The following TGFBR3 variants were observed in gnomAD, a reference collection of about 807,000 sequenced individuals.
TGFBR3 encodes the protein transforming growth factor beta receptor 3.
TGFBR3 carries 46 observed loss-of-function variants against 87.9 expected under a neutral mutation model. That is an observed-to-expected ratio of 0.52 (90% confidence interval 0.41 to 0.67). TGFBR3 has a LOEUF of 0.67. Among genes scored for constraint, TGFBR3 ranks in the 30% least tolerant of loss-of-function variants. The pLI is 0.00. For synonymous variants in TGFBR3, 381 were observed against 391.6 expected, an observed-to-expected ratio of 0.97 and a Z score of 0.32; for missense variants, 866 against 1,041.9, an observed-to-expected ratio of 0.83 and a Z score of 2.32.
chr1:91,724,647 A>AC (rs1672488567), intron 7 of TGFBR3, among the ~76,000 whole-genome samples: 1 of 152,244 alleles, frequency 6.6e-6, no homozygotes, highest in Non-Finnish European at 1.5e-5. Flanking sequence ...AAGGCTTGGG[A>AC]CAATGGCAGA....
intron 16 of TGFBR3, among the ~76,000 whole-genome samples, chr1:91,689,840 T>TAAAAAA (rs545760131): frequency 1.4e-4 from 14 of 99,286 alleles, no homozygotes; most frequent in Non-Finnish European, 1.6e-4. Flanking sequence ...AGAAACTGAT[T>TAAAAAA]AAAAAAAAAA....
intron 1 of TGFBR3, among the ~76,000 whole-genome samples, chr1:91,874,140 T>C (rs1433173389): frequency 1.3e-5 from 2 of 152,052 alleles, no homozygotes; most frequent in African/African-American, 4.8e-5. Flanking sequence ...TAATTATATA[T>C]TATATAGAGA....
chr1:91,795,675 A>G (rs1460002652), intron 3 of TGFBR3, among the ~76,000 whole-genome samples: 5 of 152,174 alleles, frequency 3.3e-5, no homozygotes, highest in Admixed American at 3.3e-4. Flanking sequence ...TGTCGCTGCT[A>G]AAGAATTGCT....
At chr1:91,726,109 G>A (rs1360123175) in intron 7 of TGFBR3, among the ~76,000 whole-genome samples, 1 of 152,150 alleles carries the variant, frequency 6.6e-6, no homozygotes, top group Non-Finnish European at 1.5e-5. Context: ...CTTGCACTGG[G>A]ATGAGCAATC....
chr1:91,733,765 G>A (rs1041281621), intron 5 of TGFBR3, among the ~76,000 whole-genome samples: 10 of 152,254 alleles, frequency 6.6e-5, no homozygotes, highest in South Asian at 4.2e-4. Context: ...GGCCAGGTGC[G>A]GTGGCTCATG....
intron 2 of TGFBR3, among the ~76,000 whole-genome samples, chr1:91,851,834 G>T (rs1415552251): frequency 6.6e-6 from 1 of 152,178 alleles, no homozygotes; most frequent in East Asian, 1.9e-4. Flanking sequence ...GAGAAACCTC[G>T]ATTCTCTTGA....
At chr1:91,859,616 C>T (rs1678096315) in intron 2 of TGFBR3, among the ~76,000 whole-genome samples, 1 of 152,052 alleles carries the variant, frequency 6.6e-6, no homozygotes, top group Admixed American at 6.6e-5. Flanking sequence ...ACAAAAAAGG[C>T]CTAGCAACTT....
In TGFBR3 at chr1:91,817,124, T is replaced by C. The variant is rs147181304; in HGVS notation, c.62-19653A>G. On this transcript the variant is annotated intron_variant, in intron 2 of 16. Transcript: ENST00000212355. ...ATAAGAACAATAACTTGAAACTCTG[T>C]GTTAGGCTTTGAATTCACCTCCAGC... Among the ~76,000 whole-genome samples, 428 of 152,296 alleles carry C rather than the reference T, an allele frequency of 2.8e-3. 2 individuals are homozygous for C. Among genetic ancestry groups the C allele is most frequent in the Non-Finnish European group, 3.4e-3 (233 of 68,036 alleles).
At chr1:91,736,922 G>A (rs534636521) in intron 4 of TGFBR3, among the ~76,000 whole-genome samples, 5 of 152,302 alleles carry the variant, frequency 3.3e-5, no homozygotes, top group African/African-American at 7.2e-5. Context: ...TTTTCAGAGC[G>A]GAAAGCGGGA....
At chr1:91,817,142 C>T (rs1232811671) in intron 2 of TGFBR3, among the ~76,000 whole-genome samples, 1 of 152,156 alleles carries the variant, frequency 6.6e-6, no homozygotes, top group African/African-American at 2.4e-5. Context: ...TTTGAATTCA[C>T]CTCCAGCCTG....
intron 3 of TGFBR3, among the ~76,000 whole-genome samples, chr1:91,791,621 C>A (rs1218122258): frequency 6.6e-6 from 1 of 152,218 alleles, no homozygotes; most frequent in African/African-American, 2.4e-5. Flanking sequence ...CTAGCAGGTT[C>A]TGTAGCCCAG....
intron 2 of TGFBR3, among the ~76,000 whole-genome samples, chr1:91,822,903 G>T (rs1571545821): frequency 6.6e-6 from 1 of 152,264 alleles, no homozygotes; most frequent in East Asian, 1.9e-4. Flanking sequence ...TCCAGCCTGG[G>T]TGACAGAACT....
chr1:91,826,180 G>A (rs1676626461), intron 2 of TGFBR3, among the ~76,000 whole-genome samples: 1 of 152,092 alleles, frequency 6.6e-6, no homozygotes, highest in South Asian at 2.1e-4. Flanking sequence ...AGTGACAGGT[G>A]GAGTCAGGAT....
chr1:91,857,645 A>T (rs1678010853), intron 2 of TGFBR3, among the ~76,000 whole-genome samples: 1 of 152,236 alleles, frequency 6.6e-6, no homozygotes, highest in African/African-American at 2.4e-5. Context: ...ACTCAAAAGA[A>T]GGGATGAATA....
At chr1:91,731,451 C>T (rs756326012) in intron 5 of TGFBR3, among the ~76,000 whole-genome samples, 1 of 152,218 alleles carries the variant, frequency 6.6e-6, no homozygotes, top group Non-Finnish European at 1.5e-5. Flanking sequence ...TTCCCCTCCC[C>T]CTCAGAGAGA....
intron 2 of TGFBR3, among the ~76,000 whole-genome samples, chr1:91,805,932 TTC>T (rs1428524739): frequency 6.6e-6 from 1 of 152,190 alleles, no homozygotes; most frequent in African/African-American, 2.4e-5. Context: ...CTCCAGACTT[TTC>T]CCCTGGCAGA....
chr1:91,818,277 C>CTTTTTTTTTT lies in TGFBR3; in HGVS notation c.62-20807_62-20806insAAAAAAAAAA, dbSNP rs1557726893. Among the ~76,000 whole-genome samples, 3 of 123,142 alleles carry CTTTTTTTTTT rather than the reference C, an allele frequency of 2.4e-5. 1 individual carries two copies. Among genetic ancestry groups the CTTTTTTTTTT allele is most frequent in the Non-Finnish European group, 3.4e-5 (2 of 59,522 alleles). The allele number at this position is 123,142 out of a possible 152,430, so 80.8% of individuals were successfully genotyped here. Reference sequence around the variant, plus strand: ...CTGCACCATTTCCCCTTAGCCCCAGCCTTTTTTTTTTTTTTTTTTTTTTTT... The same window carrying CTTTTTTTTTT: ...CTGCACCATTTCCCCTTAGCCCCAGCTTTTTTTTTTCTTTTTTTTTTTTTTTTTTTTTTTT... On this transcript the variant is annotated intron_variant, in intron 2 of 16. Coordinates refer to ENST00000212355, the MANE Select transcript of TGFBR3 (RefSeq NM_003243.5).
At chr1:91,712,822 AAT>A (rs1335896013) in intron 12 of TGFBR3, among the ~76,000 whole-genome samples, 5 of 152,344 alleles carry the variant, frequency 3.3e-5, no homozygotes, top group African/African-American at 7.2e-5. Context: ...TCCACCTCCC[AAT>A]GAGTCCTCTG....
At chr1:91,832,184 C>T (rs972539254) in intron 2 of TGFBR3, among the ~76,000 whole-genome samples, 1 of 152,158 alleles carries the variant, frequency 6.6e-6, no homozygotes, top group Non-Finnish European at 1.5e-5. Flanking sequence ...ATTCCTAGTC[C>T]ATCATTAACC....
Sources: gnomAD v4.1 joint callset for allele counts (sites outside exome capture counted in the v4.1 genomes callset) on GRCh38, gnomAD v4.1.1 for gene constraint, MANE v1.5 for transcripts, NCBI Gene and HGNC (gene_info 2026-07-23, HGNC 2026-07-21) for gene names.